LIMA1: variants seen among roughly 807,000 people sequenced by gnomAD.
LIMA1 encodes the protein LIM domain and actin-binding protein 1.
A neutral mutation model predicts 62.6 loss-of-function variants in LIMA1; 52 were observed. That is an observed-to-expected ratio of 0.83 (90% CI 0.67 to 1.05). The LOEUF is 1.05. Ranked by LOEUF, LIMA1 falls within the 50% of genes least tolerant of loss-of-function variation. The pLI is 0.00. For synonymous variants in LIMA1, 302 were observed against 317.8 expected (o/e 0.95, Z 0.53); for missense variants, 780 against 902.2 (o/e 0.86, Z 1.74).
intron 3 of LIMA1, chr12:50,224,295 C>CA (rs1437734318): frequency 6.6e-6 from 1 of 152,308 alleles, no homozygotes; most frequent in Non-Finnish European, 1.5e-5. Flanking sequence ...AAAGCCACTT[C>CA]ATCAAGTAGA....
At chr12:50,192,378 A>C (rs1213385495) in intron 9 of LIMA1, 74 bp downstream of exon 9, 38 of 1,029,182 alleles carry the variant, frequency 3.7e-5, no homozygotes, top group Non-Finnish European at 5.4e-5. Flanking sequence ...AATCAACATC[A>C]TCATCATAAA....
chr12:50,227,383 C>T (rs1357812249), intron 3 of LIMA1, among the ~76,000 whole-genome samples: 4 of 151,750 alleles, frequency 2.6e-5, no homozygotes, highest in Non-Finnish European at 4.4e-5. Flanking sequence ...GGATTACAGG[C>T]GTGAGCCACC....
At chr12:50,189,108 C>T (rs1430466549) in intron 9 of LIMA1, 1 of 152,308 alleles carries the variant, frequency 6.6e-6, no homozygotes. Flanking sequence ...ATTCAATCAC[C>T]ATGACCCCGC....
chr12:50,203,298 G>C (rs908386025), intron 6 of LIMA1, among the ~76,000 whole-genome samples: 3 of 151,802 alleles, frequency 2.0e-5, no homozygotes, highest in African/African-American at 7.3e-5. Flanking sequence ...TACGGTGTGA[G>C]CTCCTGCGCC....
rs1941470578 is a variant in LIMA1 at position 50,222,819 on chromosome 12, A to G, written c.166-334T>C. The G allele has an allele frequency of 4.6e-6, 3 of 648,700 alleles. No individual in the cohort carries two copies. In the South Asian group the frequency reaches 9.1e-5, roughly 20 times the overall value. The allele number at this position is 648,700 out of a possible 1,614,324, so 40.2% of individuals were successfully genotyped here. A position where few individuals can be genotyped will look rare whatever the true frequency, so the allele number is the denominator to read the frequency against. The stretch of plus-strand genomic sequence containing the variant: ...TTACCCAAAGATTAATGGGGAAAAA[A>G]ACAAGAAAGAAAAAGCAAAATACAA... On this transcript the variant is annotated intron_variant, in intron 3 of 10. Transcript: ENST00000341247.
chr12:50,248,492 C>CA, intron 2 of LIMA1, 141 bp downstream of exon 2: 1 of 595,536 alleles, frequency 1.7e-6, no homozygotes, highest in Non-Finnish European at 3.0e-6. Context: ...TCCTTCTCCA[C>CA]AGTACCTCAT....
intron 2 of LIMA1, among the ~76,000 whole-genome samples, chr12:50,236,961 G>C (rs759859535): frequency 6.6e-6 from 1 of 152,160 alleles, no homozygotes; most frequent in African/African-American, 2.4e-5. Flanking sequence ...GGACATTGGT[G>C]AGGGTATGGG....
intron 2 of LIMA1, chr12:50,234,123 G>T (rs963371494): frequency 2.1e-6 from 1 of 467,984 alleles, no homozygotes; most frequent in Non-Finnish European, 4.4e-6. Flanking sequence ...TTTTCAAGGA[G>T]GAACAGGTTT....
intron 3 of LIMA1, among the ~76,000 whole-genome samples, chr12:50,226,048 TTTAC>T (rs1326547193): frequency 1.3e-5 from 2 of 152,128 alleles, no homozygotes; most frequent in Non-Finnish European, 2.9e-5. Flanking sequence ...TATTTATTTA[TTTAC>T]TTATTTATTT....
chr12:50,275,014 AT>A (rs1942259163), intron 1 of LIMA1, among the ~76,000 whole-genome samples: 1 of 152,182 alleles, frequency 6.6e-6, no homozygotes, highest in African/African-American at 2.4e-5. Context: ...AAAGCCAAAC[AT>A]TATTATATAA....
chr12:50,223,607 A>G (rs929227496), intron 3 of LIMA1, among the ~76,000 whole-genome samples: 4 of 152,246 alleles, frequency 2.6e-5, no homozygotes, highest in African/African-American at 9.6e-5. Flanking sequence ...TGATCAAAGG[A>G]CACACATTTA....
At chr12:50,262,209 A>G (rs896646546) in intron 1 of LIMA1, among the ~76,000 whole-genome samples, 8 of 152,192 alleles carry the variant, frequency 5.3e-5, no homozygotes, top group Admixed American at 1.3e-4. Context: ...ATTTGGCTCT[A>G]CAGGTAACAA....
intron 4 of LIMA1, among the ~76,000 whole-genome samples, chr12:50,207,946 C>T (rs1941183795): frequency 6.6e-6 from 1 of 151,770 alleles, no homozygotes; most frequent in African/African-American, 2.4e-5. Flanking sequence ...TTTTTATACC[C>T]CCTCCTTGGA....
chr12:50,193,499 A>T (rs898587407), intron 8 of LIMA1, among the ~76,000 whole-genome samples: 1 of 137,554 alleles, frequency 7.3e-6, no homozygotes, highest in Non-Finnish European at 1.5e-5. Flanking sequence ...TATATATATC[A>T]TATATGTGTA....
chr12:50,222,741 A>G, intron 3 of LIMA1: 1 of 1,302,202 alleles, frequency 7.7e-7, no homozygotes, highest in Admixed American at 3.2e-5. Context: ...GGACAAAATG[A>G]GAAGAAAGGC....
chr12:50,209,581 A>G (rs1021298778), intron 4 of LIMA1, among the ~76,000 whole-genome samples: 9 of 125,682 alleles, frequency 7.2e-5, no homozygotes, highest in Admixed American at 5.2e-4. Context: ...AAAAAAAAAA[A>G]AAAAAAGAAA....
At position 50,195,891 on chromosome 12, in the gene LIMA1, CAAAAAAAA is replaced by C; in HGVS notation, c.973-12_973-5del. The stretch of plus-strand genomic sequence containing the variant: ...GGCTATTCTCATTTGCAGAAATCTA[CAAAAAAAA>C]AAAAAAAAAAAAAGTTAGAGGGGGA... On this transcript the variant is annotated splice_polypyrimidine_tract_variant and splice_region_variant and intron_variant, in intron 7 of 10. Coordinates refer to ENST00000341247, the MANE Select transcript of LIMA1 (RefSeq NM_016357.5). 1 of 1,093,436 alleles carries C rather than the reference CAAAAAAAA, an allele frequency of 9.1e-7. No individual in the cohort carries two copies. Among genetic ancestry groups the C allele is most frequent in the Non-Finnish European group, 1.1e-6 (1 of 873,298 alleles). 67.7% of individuals were successfully genotyped at this position (1,093,436 alleles called of 1,614,324 possible). A position where few individuals can be genotyped will look rare whatever the true frequency, so the allele number is the denominator to read the frequency against.
chr12:50,191,833 AAAAC>A lies in LIMA1; in HGVS notation c.1140+615_1140+618del, dbSNP rs1424374131. Among the ~76,000 whole-genome samples the A allele has an allele frequency of 3.0e-4, 44 of 148,336 alleles. No homozygotes were observed. In the East Asian group the frequency reaches 4.2e-3, roughly 14 times the overall value. The stretch of plus-strand genomic sequence containing the variant: ...CGAGACTCTGTCTCAAAACAAAACA[AAAAC>A]AAACAAACAAACAAACAAAAACAAG... On this transcript the variant is annotated intron_variant, in intron 9 of 10. Transcript: ENST00000341247.
intron 1 of LIMA1, among the ~76,000 whole-genome samples, chr12:50,255,599 AAAAGAAAGG>A (rs1441707573): frequency 3.3e-5 from 5 of 151,550 alleles, no homozygotes; most frequent in Admixed American, 1.3e-4. Flanking sequence ...GAAAAGAAAG[AAAAGAAAGG>A]AAAGAAAGAA....
Sources: allele counts gnomAD v4.1 joint callset (sites outside exome capture counted in the v4.1 genomes callset), GRCh38; gene constraint gnomAD v4.1.1; transcripts MANE v1.5; gene names NCBI Gene and HGNC (gene_info 2026-07-23, HGNC 2026-07-21).